The following PLXNC1 variants were observed in gnomAD, a reference collection of about 807,000 sequenced individuals.
PLXNC1 encodes the protein plexin C1, also known as plexin-C1.
Under a neutral mutation model 178.2 loss-of-function variants are expected in PLXNC1, and 75 were observed. The observed-to-expected ratio is 0.42, with a 90% CI of 0.35 to 0.51. PLXNC1 has a LOEUF of 0.51. Ranked by LOEUF, PLXNC1 falls within the 20% of genes least tolerant of loss-of-function variation. The pLI is 0.02. For missense variants in PLXNC1, 1,503 were observed against 1,984.4 expected, an observed-to-expected ratio of 0.76 and a Z score of 4.61; for synonymous variants, 790 against 779.9, an observed-to-expected ratio of 1.01 and a Z score of -0.22.
intron 9 of PLXNC1, among the ~76,000 whole-genome samples, chr12:94,234,845 T>G (rs1964198745): frequency 6.6e-6 from 1 of 152,230 alleles, no homozygotes; most frequent in South Asian, 2.1e-4. Flanking sequence ...ATATTGAATG[T>G]GTAGAACCTT....
At chr12:94,180,027 A>G (rs1962249293) in intron 2 of PLXNC1, among the ~76,000 whole-genome samples, 1 of 152,128 alleles carries the variant, frequency 6.6e-6, no homozygotes. Flanking sequence ...CTCTAGCACT[A>G]TAGGATTCGA....
chr12:94,259,640 C>T lies in PLXNC1; in HGVS notation c.3157C>T (p.Leu1053Phe). The T allele has an allele frequency of 6.2e-7, 1 of 1,610,178 alleles. No homozygotes were observed. ...AGACGCCAACGACAAGAATGAAAGTCTCACAGCTTTGGATGCCCTAATCTG... is the reference window on the plus strand; with the variant it reads ...AGACGCCAACGACAAGAATGAAAGTTTCACAGCTTTGGATGCCCTAATCTG... ...NRDANDKNES[L>F]TALDALICNK... is the part of the protein sequence containing the mutation. The change falls in exon 19 of 31, where the codon CTC becomes TTC. Residue 1053 changes from leucine to phenylalanine, a missense_variant. By Grantham distance (22) the Leu-to-Phe change is conservative. Transcript: ENST00000258526.
Position 94,295,285 on chromosome 12 carries a change from TTC to T in PLXNC1, c.3934+747_3934+748del, listed in dbSNP as rs1246545545. ...GCCAGTGCAAACAGGGAATGTGGGG[TTC>T]TTGATTATACAGACAGGATAATTGG... is the stretch of plus-strand genomic sequence containing the variant. On this transcript the variant is annotated intron_variant, in intron 24 of 30. Coordinates refer to ENST00000258526, the MANE Select transcript of PLXNC1 (RefSeq NM_005761.3). Among the ~76,000 whole-genome samples, 7 of 152,030 alleles carry T rather than the reference TTC, an allele frequency of 4.6e-5. 1 individual carries two copies. Among genetic ancestry groups the T allele is most frequent in the Non-Finnish European group, 1.5e-5 (1 of 68,004 alleles).
At position 94,294,469 on chromosome 12, in the gene PLXNC1, T is replaced by C; in HGVS notation, c.3880-17T>C. ...TTAAATTTTGAACACTCATATATCTTTTATCTTTGGTTTCAGATATCAAAT... is the reference window on the plus strand; with the variant it reads ...TTAAATTTTGAACACTCATATATCTCTTATCTTTGGTTTCAGATATCAAAT... On this transcript the variant is annotated splice_polypyrimidine_tract_variant and intron_variant, in intron 23 of 30. Transcript: ENST00000258526. The C allele has an allele frequency of 8.5e-7, 1 of 1,177,946 alleles. No individual in the cohort carries two copies. The highest frequency in any genetic ancestry group is 1.3e-6 in the Non-Finnish European group (1 of 798,754). 73.0% of individuals were successfully genotyped at this position (1,177,946 alleles called of 1,614,324 possible).
intron 4 of PLXNC1, among the ~76,000 whole-genome samples, chr12:94,206,296 C>T (rs1282214307): frequency 7.4e-5 from 11 of 149,400 alleles, no homozygotes; most frequent in Admixed American, 2.7e-4. Context: ...AGGGAGGGGG[C>T]GGTTACATAC....
chr12:94,188,302 A>G (rs953651062), intron 4 of PLXNC1, among the ~76,000 whole-genome samples: 2 of 150,104 alleles, frequency 1.3e-5, no homozygotes, highest in African/African-American at 4.9e-5. Context: ...AGTAGAGTCC[A>G]AAGAATTTTG....
intron 4 of PLXNC1, among the ~76,000 whole-genome samples, chr12:94,189,045 G>A (rs939157673): frequency 6.6e-6 from 1 of 152,228 alleles, no homozygotes; most frequent in Admixed American, 6.5e-5. Context: ...CGGTTGCCAG[G>A]AAGCATTAGG....
chr12:94,165,880 A>G (rs1469881628), intron 1 of PLXNC1, among the ~76,000 whole-genome samples: 1 of 152,014 alleles, frequency 6.6e-6, no homozygotes, highest in Non-Finnish European at 1.5e-5. Flanking sequence ...TGTATTCCAG[A>G]GGAGGAAGTG....
At chr12:94,226,553 T>G in intron 7 of PLXNC1, 52 bp from the exon 8 acceptor site, 1 of 1,215,864 alleles carries the variant, frequency 8.2e-7, no homozygotes, top group Non-Finnish European at 1.2e-6. Flanking sequence ...AATTCTAGGA[T>G]GTGAACATTG....
In PLXNC1 at chr12:94,175,715, C is replaced by T. The variant is rs187337930; in HGVS notation, c.1204-5731C>T. 3.6e-3 allele frequency among the ~76,000 whole-genome samples: 555 copies of T among 152,334 alleles called. 3 individuals are homozygous for T. Among genetic ancestry groups the T allele is most frequent in the African/African-American group, 0.013 (529 of 41,556 alleles). ...ATAAAATCTTGAATGCTAATAGCGT[C>T]GTTTTTCATTTAATAAATATCTACT... On this transcript the variant is annotated intron_variant, in intron 2 of 30. Transcript: ENST00000258526.
intron 22 of PLXNC1, chr12:94,279,928 C>A: frequency 1.8e-6 from 1 of 559,406 alleles, no homozygotes; most frequent in Non-Finnish European, 3.3e-6. Context: ...AGATTGCAGG[C>A]CCTGAGACTG....
chr12:94,249,930 TG>T (rs1240627694), intron 14 of PLXNC1, among the ~76,000 whole-genome samples: 1 of 13,770 alleles, frequency 7.3e-5, no homozygotes, highest in Non-Finnish European at 1.5e-4. Flanking sequence ...AGCACCAGTG[TG>T]GGGGGGTGGG....
chr12:94,244,485 C>A (rs921829559), intron 12 of PLXNC1, among the ~76,000 whole-genome samples: 1 of 152,200 alleles, frequency 6.6e-6, no homozygotes, highest in East Asian at 1.9e-4. Context: ...TCCTTCTCTT[C>A]GACCCAATTT....
At chr12:94,259,426 G>T (rs760372213) in intron 18 of PLXNC1, 51 bp downstream of exon 18, 49 of 1,389,380 alleles carry the variant, frequency 3.5e-5, no homozygotes, top group Non-Finnish European at 4.7e-5. Flanking sequence ...GATGTTCATA[G>T]TGTTATCATC....
intron 23 of PLXNC1, among the ~76,000 whole-genome samples, chr12:94,289,844 A>G (rs1967102682): frequency 6.6e-6 from 1 of 152,126 alleles, no homozygotes; most frequent in Non-Finnish European, 1.5e-5. Context: ...ACTCACACAT[A>G]CGCGCTCACA....
At position 94,272,581 on chromosome 12, in the gene PLXNC1, G is replaced by A. The variant is rs118125362; in HGVS notation, c.3598-6891G>A. On this transcript the variant is annotated intron_variant, in intron 21 of 30. Coordinates refer to ENST00000258526, the MANE Select transcript of PLXNC1 (RefSeq NM_005761.3). ...TCCTAGTCACAAGATGGCTGCCACC[G>A]CTCCAAGCACTACTCTCCCTTTTGT... Among the ~76,000 whole-genome samples, 11 of 152,262 alleles carry A rather than the reference G, an allele frequency of 7.2e-5. No individual in the cohort carries two copies. In the East Asian group the frequency reaches 7.7e-4, roughly 11 times the overall value.
intron 5 of PLXNC1, 27 bp from the exon 6 acceptor site, chr12:94,219,988 AT>A (rs3833789): frequency 0.21 from 331,476 of 1,605,962 alleles, 35,321 homozygotes; most frequent in Middle Eastern, 0.23. Flanking sequence ...AAAAATCATC[AT>A]TTTTTCCCCA....
intron 23 of PLXNC1, among the ~76,000 whole-genome samples, chr12:94,287,473 C>CCGA (rs1966860940): frequency 6.6e-6 from 1 of 152,068 alleles, no homozygotes; most frequent in Non-Finnish European, 1.5e-5. Context: ...TTGGCTGGGC[C>CCGA]GAGTTATTGC....
intron 3 of PLXNC1, among the ~76,000 whole-genome samples, chr12:94,184,004 C>T (rs1370432384): frequency 2.6e-5 from 4 of 152,120 alleles, no homozygotes; most frequent in African/African-American, 4.8e-5. Flanking sequence ...TGGTATGATA[C>T]GGGGCCGCTA....
Sources: gnomAD v4.1 joint callset for allele counts (sites outside exome capture counted in the v4.1 genomes callset) on GRCh38, gnomAD v4.1.1 for gene constraint, MANE v1.5 for transcripts, NCBI Gene and HGNC (gene_info 2026-07-23, HGNC 2026-07-21) for gene names.